The following ZDHHC14 variants were observed in gnomAD, a reference collection of about 807,000 sequenced individuals.
The protein encoded by ZDHHC14 is zDHHC palmitoyltransferase 14, also known as palmitoyltransferase ZDHHC14.
Under a neutral mutation model 47.7 loss-of-function variants are expected in ZDHHC14, and 16 were observed. The ratio of observed to expected loss-of-function variants is 0.34; its 90% CI spans 0.23 to 0.51. The LOEUF is 0.51. ZDHHC14 is among the 20% of genes least tolerant of loss of function. The probability of loss-of-function intolerance (pLI) is 0.97; values close to 1 mark genes in which losing one functional copy is unlikely to be tolerated. For synonymous variants in ZDHHC14, 293 were observed against 278.9 expected (o/e 1.05, Z -0.50); for missense variants, 515 against 662.5 (o/e 0.78, Z 2.44).
intron 3 of ZDHHC14, among the ~76,000 whole-genome samples, chr6:157,611,645 G>A (rs1293267495): frequency 2.0e-5 from 3 of 152,236 alleles, no homozygotes; most frequent in African/African-American, 7.2e-5. Flanking sequence ...GATCCAGCAA[G>A]GGAGGGTGGA....
intron 2 of ZDHHC14, among the ~76,000 whole-genome samples, chr6:157,545,861 T>G (rs1003181392): frequency 3.9e-5 from 6 of 152,202 alleles, no homozygotes; most frequent in African/African-American, 1.4e-4. Context: ...TCTATCCCTC[T>G]GTGTTCTTAT....
At chr6:157,448,856 G>A (rs537245443) in intron 1 of ZDHHC14, among the ~76,000 whole-genome samples, 297 of 152,356 alleles carry the variant, frequency 1.9e-3, no homozygotes, top group African/African-American at 6.9e-3. Context: ...GATTATAGGC[G>A]TGAGCCACTG....
At chr6:157,488,417 C>T (rs1779833587) in intron 1 of ZDHHC14, among the ~76,000 whole-genome samples, 1 of 152,164 alleles carries the variant, frequency 6.6e-6, no homozygotes, top group Non-Finnish European at 1.5e-5. Flanking sequence ...TCCAAACAAC[C>T]CTCAATTTGC....
intron 3 of ZDHHC14, among the ~76,000 whole-genome samples, chr6:157,615,574 C>G (rs1042355317): frequency 4.6e-5 from 7 of 152,174 alleles, no homozygotes; most frequent in African/African-American, 1.7e-4. Context: ...ATAGCATATC[C>G]GACTTGCTGA....
intron 3 of ZDHHC14, among the ~76,000 whole-genome samples, chr6:157,613,866 GA>G (rs1022136011): frequency 2.7e-5 from 4 of 150,886 alleles, no homozygotes; most frequent in South Asian, 4.2e-4. Flanking sequence ...AGTAAGGAAT[GA>G]AAAAAAAAGT....
At chr6:157,599,511 A>C (rs946327345) in intron 3 of ZDHHC14, among the ~76,000 whole-genome samples, 1 of 152,224 alleles carries the variant, frequency 6.6e-6, no homozygotes, top group Non-Finnish European at 1.5e-5. Flanking sequence ...CACACTCAGC[A>C]TCTATAATGA....
At chr6:157,544,150 G>T (rs1372005670) in intron 2 of ZDHHC14, among the ~76,000 whole-genome samples, 1 of 152,180 alleles carries the variant, frequency 6.6e-6, no homozygotes, top group Non-Finnish European at 1.5e-5. Flanking sequence ...GAGAGAGAGG[G>T]AAGTCAAACC....
At chr6:157,515,407 C>G (rs1028929003) in intron 1 of ZDHHC14, among the ~76,000 whole-genome samples, 3 of 151,792 alleles carry the variant, frequency 2.0e-5, no homozygotes, top group Admixed American at 1.3e-4. Context: ...GATGCGAAAT[C>G]ACACACAACG....
intron 3 of ZDHHC14, among the ~76,000 whole-genome samples, chr6:157,610,128 T>A (rs1417068751): frequency 1.3e-5 from 2 of 152,106 alleles, no homozygotes; most frequent in Non-Finnish European, 2.9e-5. Flanking sequence ...ACTGGGCAGA[T>A]CCCACCCACG....
chr6:157,434,117 G>A (rs1035308304), intron 1 of ZDHHC14, among the ~76,000 whole-genome samples: 17 of 151,714 alleles, frequency 1.1e-4, no homozygotes, highest in East Asian at 3.9e-4. Context: ...TTACATAACC[G>A]CCAACAACAA....
chr6:157,645,958 C>T (rs751883603), intron 6 of ZDHHC14, 119 bp downstream of exon 6: 20 of 809,166 alleles, frequency 2.5e-5, no homozygotes, highest in Non-Finnish European at 3.1e-5. Flanking sequence ...GATGTGAGCC[C>T]TTGGGAACAG....
Position 157,451,002 on chromosome 6 carries a change from G to A in ZDHHC14, c.245+68736G>A, listed in dbSNP as rs113168834. ...TTTGATGTCAAAAGTCTGGTCTTGT[G>A]TGTGTGTGTGTGTGTGTGTGTGTGT... On this transcript the variant is annotated intron_variant, in intron 1 of 8. Transcript: ENST00000359775. 4.4e-3 allele frequency among the ~76,000 whole-genome samples: 661 copies of A among 149,286 alleles called. 4 individuals carry two copies. The highest frequency in any genetic ancestry group is 0.015 in the African/African-American group (617 of 40,604).
At chr6:157,607,097 A>G (rs1011644433) in intron 3 of ZDHHC14, among the ~76,000 whole-genome samples, 1 of 152,172 alleles carries the variant, frequency 6.6e-6, no homozygotes, top group Non-Finnish European at 1.5e-5. Context: ...TGTTAGAAAC[A>G]TCGTCTTTAT....
chr6:157,670,007 G>GCTCTGC (rs1408533242), intron 8 of ZDHHC14, among the ~76,000 whole-genome samples: 4 of 152,252 alleles, frequency 2.6e-5, no homozygotes, highest in Non-Finnish European at 5.9e-5. Context: ...CAATGAGGCT[G>GCTCTGC]CTCTGCCTCT....
chr6:157,636,444 G>A (rs1047143656), intron 5 of ZDHHC14, among the ~76,000 whole-genome samples: 4 of 151,974 alleles, frequency 2.6e-5, no homozygotes, highest in Non-Finnish European at 4.4e-5. Flanking sequence ...GGAAATGCTC[G>A]CGGGATACCC....
chr6:157,528,803 CATTAATTA>C (rs72147245), intron 1 of ZDHHC14, among the ~76,000 whole-genome samples: 2 of 145,926 alleles, frequency 1.4e-5, no homozygotes, highest in East Asian at 2.1e-4. Context: ...TGAGAGTGGG[CATTAATTA>C]ATTAATTAAA....
intron 1 of ZDHHC14, among the ~76,000 whole-genome samples, chr6:157,490,021 G>A (rs1441960434): frequency 2.6e-5 from 4 of 152,274 alleles, no homozygotes; most frequent in African/African-American, 9.6e-5. Flanking sequence ...CTGGGAGGTG[G>A]AATCTTCTGA....
At chr6:157,485,977 C>T (rs936239898) in intron 1 of ZDHHC14, among the ~76,000 whole-genome samples, 1 of 152,230 alleles carries the variant, frequency 6.6e-6, no homozygotes, top group East Asian at 1.9e-4. Context: ...CAGGCCACTG[C>T]ACTCCACCCT....
chr6:157,559,127 T>C (rs1566954), intron 2 of ZDHHC14, among the ~76,000 whole-genome samples: 15,366 of 152,270 alleles, frequency 0.1, 958 homozygotes, highest in Middle Eastern at 0.22. Context: ...ATCAATATTT[T>C]AATAACTATT....
Sources: gnomAD v4.1 joint callset for allele counts (sites outside exome capture counted in the v4.1 genomes callset) on GRCh38, gnomAD v4.1.1 for gene constraint, MANE v1.5 for transcripts, NCBI Gene and HGNC (gene_info 2026-07-23, HGNC 2026-07-21) for gene names.